BTG4: variants seen among roughly 807,000 people sequenced by gnomAD.
BTG4 encodes BTG anti-proliferation factor 4, also known as protein BTG4.
Under a neutral mutation model 19.3 loss-of-function variants are expected in BTG4, and 10 were observed. The observed-to-expected ratio is 0.52, with a 90% confidence interval of 0.32 to 0.88. BTG4 has a LOEUF of 0.88. BTG4 is among the 40% of genes least tolerant of loss of function. The pLI is 0.04. For missense variants in BTG4, 238 were observed against 281.9 expected (o/e 0.84, Z 1.11); for synonymous variants, 91 against 95.7 (o/e 0.95, Z 0.29).
the BTG4 span, among the ~76,000 whole-genome samples, chr11:111,430,121 G>A: frequency 6.6e-6 from 1 of 152,204 alleles, no homozygotes; most frequent in Admixed American, 6.5e-5. Flanking sequence ...AATTCAGAAA[G>A]TTTATTTTGC....
At chr11:111,404,604 C>G in the BTG4 span, 2 of 456,070 alleles carry the variant, frequency 4.4e-6, no homozygotes, top group Non-Finnish European at 8.8e-6. Context: ...TAACAGACCC[C>G]ACATTGACTT....
At chr11:111,467,803 A>G (rs1483928023) in intron 5 of BTG4, 2 of 604,364 alleles carry the variant, frequency 3.3e-6, no homozygotes, top group Admixed American at 6.1e-5. Flanking sequence ...AATAAATGTC[A>G]CAGTGTAAGA....
chr11:111,509,904 CTTTT>C (rs1565479108), intron 1 of BTG4, among the ~76,000 whole-genome samples: 2 of 138,572 alleles, frequency 1.4e-5, no homozygotes, highest in African/African-American at 5.3e-5. Flanking sequence ...TTTCTTTTTT[CTTTT>C]TTCTTTTTTT....
At chr11:111,510,298 T>A (rs1215232763) in intron 1 of BTG4, among the ~76,000 whole-genome samples, 1 of 152,310 alleles carries the variant, frequency 6.6e-6, no homozygotes, top group East Asian at 1.9e-4. Flanking sequence ...GTGCCAAAGC[T>A]AAAGCAGAAG....
downstream of BTG4, among the ~76,000 whole-genome samples, chr11:111,465,898 GA>G (rs1176870127): frequency 2.6e-5 from 4 of 151,086 alleles, no homozygotes; most frequent in East Asian, 3.9e-4. Context: ...GCCCTTTCCA[GA>G]AAAAAAAAGT....
the BTG4 span, among the ~76,000 whole-genome samples, chr11:111,394,245 G>A: frequency 6.6e-6 from 1 of 152,224 alleles, no homozygotes; most frequent in African/African-American, 2.4e-5. Context: ...GTGGCTTGAA[G>A]TTCCTGCCCT....
At chr11:111,419,411 C>G in the BTG4 span, among the ~76,000 whole-genome samples, 2 of 152,216 alleles carry the variant, frequency 1.3e-5, no homozygotes, top group African/African-American at 2.4e-5. Context: ...ATTTTGCCAC[C>G]ACCACTTCCT....
chr11:111,435,890 C>T, the BTG4 span, among the ~76,000 whole-genome samples: 1 of 152,184 alleles, frequency 6.6e-6, no homozygotes, highest in Non-Finnish European at 1.5e-5. Context: ...AAGGTTTATG[C>T]TCACAAGCCC....
At chr11:111,400,354 T>A in the BTG4 span, among the ~76,000 whole-genome samples, 1 of 152,244 alleles carries the variant, frequency 6.6e-6, no homozygotes, top group Non-Finnish European at 1.5e-5. Context: ...TCTGTAGTAC[T>A]GGAGTTAATT....
intron 1 of BTG4, among the ~76,000 whole-genome samples, chr11:111,499,609 G>A (rs1392346450): frequency 2.6e-5 from 4 of 151,970 alleles, no homozygotes; most frequent in Admixed American, 6.6e-5. Flanking sequence ...TCCTAATATC[G>A]TACATTCCAA....
chr11:111,456,016 G>T, the BTG4 span: 1 of 294,846 alleles, frequency 3.4e-6, no homozygotes, highest in Non-Finnish European at 7.1e-6. This position sits in a 1 kb window ranked among gnomAD's most constrained non-coding sequence, Gnocchi z 4.2. Context: ...AAAACAGAGC[G>T]GACACCCCAA....
chr11:111,467,729 A>AT (rs746901109), intron 5 of BTG4: 7 of 737,530 alleles, frequency 9.5e-6, no homozygotes, highest in East Asian at 5.0e-5. Flanking sequence ...AAATTTTATA[A>AT]TTTTTTCCTA....
the BTG4 span, among the ~76,000 whole-genome samples, chr11:111,454,773 G>GGGGCAT: frequency 1.3e-5 from 2 of 151,444 alleles, no homozygotes; most frequent in Admixed American, 1.3e-4. Flanking sequence ...TGCTGAGACT[G>GGGGCAT]GCTGGGACGA....
chr11:111,497,392 T>C lies in BTG4; in HGVS notation c.329A>G (p.His110Arg), dbSNP rs769958474. The C allele has an allele frequency of 6.5e-6, 9 of 1,382,738 alleles. No individual in the cohort carries two copies. The highest frequency in any genetic ancestry group is 1.5e-5 in the African/African-American group (1 of 67,502). The allele number at this position is 1,382,738 out of a possible 1,614,324, so 85.7% of individuals were successfully genotyped here. A position where few individuals can be genotyped will look rare whatever the true frequency, so the allele number is the denominator to read the frequency against. The change falls in exon 4 of 5, where the codon CAT becomes CGT. Residue 110 changes from histidine (H) to arginine (R), a missense_variant. Transcript: ENST00000692032. Reference sequence around the variant, plus strand: ...TTTAAAAGAAGCAACTGTAAATGGATGGTTTTTCTCACCATACCTAAGTAG... The same window carrying C: ...TTTAAAAGAAGCAACTGTAAATGGACGGTTTTTCTCACCATACCTAAGTAG... ...EVCCRYGEKN[H>R]PFTVASFKGR...
chr11:111,504,109 C>G (rs927338893), intron 1 of BTG4, among the ~76,000 whole-genome samples: 3 of 152,188 alleles, frequency 2.0e-5, no homozygotes, highest in Non-Finnish European at 1.5e-5. Context: ...CTCACCCCTC[C>G]ATTCACAAAT....
chr11:111,444,371 C>A, the BTG4 span, among the ~76,000 whole-genome samples: 1 of 151,622 alleles, frequency 6.6e-6, no homozygotes, highest in South Asian at 2.1e-4. Flanking sequence ...GGCAATGTCT[C>A]ACTTATTTGT....
At chr11:111,470,407 C>A (rs1863992328) in intron 5 of BTG4, among the ~76,000 whole-genome samples, 1 of 152,156 alleles carries the variant, frequency 6.6e-6, no homozygotes, top group Admixed American at 6.5e-5. Context: ...AAATCCTATT[C>A]TACAGGGCAG....
At chr11:111,401,839 G>A in the BTG4 span, among the ~76,000 whole-genome samples, 36,287 of 152,084 alleles carry the variant, frequency 0.24, 4,549 homozygotes, top group East Asian at 0.29. Context: ...ACTCAGAGTA[G>A]GCTCTCAGAA....
intron 5 of BTG4, chr11:111,470,084 AC>A (rs1863970512): frequency 6.5e-6 from 1 of 152,674 alleles, no homozygotes; most frequent in African/African-American, 2.4e-5. Context: ...ACCTCAAGCC[AC>A]ATATGACAAT....
Sources: allele counts gnomAD v4.1 joint callset (sites outside exome capture counted in the v4.1 genomes callset), GRCh38; gene constraint gnomAD v4.1.1; non-coding constraint Gnocchi (gnomAD v3.1); transcripts MANE v1.5; gene names NCBI Gene and HGNC (gene_info 2026-07-23, HGNC 2026-07-21).